Variants in LY75 observed in about 807,000 individuals in gnomAD.
LY75 encodes the protein lymphocyte antigen 75.
LY75 carries 185 observed loss-of-function variants against 231.7 expected under a neutral mutation model. The observed-to-expected ratio is 0.80, with a 90% confidence interval of 0.71 to 0.90. The LOEUF (loss-of-function observed/expected upper bound fraction) is 0.90, where lower values mean the gene tolerates loss of function less well. Ranked by LOEUF, LY75 falls within the 40% of genes least tolerant of loss-of-function variation. The pLI, the probability that LY75 is intolerant of heterozygous loss-of-function variation, is 0.00. For synonymous variants in LY75, 668 were observed against 689.0 expected (o/e 0.97, Z 0.48); for missense variants, 1,947 against 2,050.2 (o/e 0.95, Z 0.97).
At position 159,896,283 on chromosome 2, in the gene LY75, T is replaced by C. The variant is rs564030081; in HGVS notation, c.467-2199A>G. On this transcript the variant is annotated intron_variant, in intron 2 of 34. Transcript: ENST00000263636. The stretch of plus-strand genomic sequence containing the variant: ...CACCTGGGTGCTAGTCAAAAGCAGT[T>C]CACTCATAAAATTTATACAACTTCA... Among the ~76,000 whole-genome samples the C allele has an allele frequency of 1.1e-4, 16 of 152,328 alleles. 1 individual carries two copies. The highest frequency in any genetic ancestry group is 3.6e-4 in the African/African-American group (15 of 41,576).
intron 13 of LY75, among the ~76,000 whole-genome samples, chr2:159,868,360 C>T (rs2729710): frequency 0.023 from 3,499 of 152,120 alleles, 137 homozygotes; most frequent in East Asian, 0.16. Context: ...AAACATAGTA[C>T]ATTCTATGGA....
intron 13 of LY75, among the ~76,000 whole-genome samples, chr2:159,865,257 T>C (rs1684826015): frequency 6.6e-6 from 1 of 152,198 alleles, no homozygotes; most frequent in Non-Finnish European, 1.5e-5. Context: ...ATGGCATTTC[T>C]TTAAAGTGTT....
Position 159,854,511 on chromosome 2 carries a change from G to A in LY75, c.2444C>T (p.Pro815Leu). The A allele has an allele frequency of 6.2e-7, 1 of 1,612,618 alleles. No individual in the cohort carries two copies. The highest frequency in any genetic ancestry group is 1.1e-5 in the South Asian group (1 of 90,812). The change falls in exon 18 of 35, where the codon CCA becomes CTA. Residue 815 changes from proline to leucine, a missense_variant. By Grantham distance (98) the Pro-to-Leu change is moderately conservative (BLOSUM62 -3). Coordinates refer to ENST00000263636, the MANE Select transcript of LY75 (RefSeq NM_002349.4). Reference sequence around the variant, plus strand: ...ATATTCACTTCCTTCAATTATAAGTGGAGGTCCATGAATTCCAGCACGGTC... The same window carrying A: ...ATATTCACTTCCTTCAATTATAAGTAGAGGTCCATGAATTCCAGCACGGTC... ...NPDRAGIHGP[P>L]LIIEGSEYWF...
intron 28 of LY75, among the ~76,000 whole-genome samples, chr2:159,823,888 C>T (rs1209072273): frequency 6.6e-6 from 1 of 152,196 alleles, no homozygotes; most frequent in South Asian, 2.1e-4. Context: ...CCTTGACAGA[C>T]AGGCAAGTGC....
At chr2:159,879,945 C>T (rs530786280) in intron 8 of LY75, among the ~76,000 whole-genome samples, 2 of 152,186 alleles carry the variant, frequency 1.3e-5, no homozygotes, top group African/African-American at 2.4e-5. Flanking sequence ...TCTAATAAGT[C>T]GATTGTGATA....
chr2:159,821,477 G>A (rs112875747), intron 28 of LY75, among the ~76,000 whole-genome samples: 36,929 of 151,598 alleles, frequency 0.24, 5,936 homozygotes, highest in Non-Finnish European at 0.37. Flanking sequence ...TTAGCTGGGC[G>A]TGGTGGCGGT....
intron 2 of LY75, among the ~76,000 whole-genome samples, chr2:159,896,637 C>G (rs1685916144): frequency 6.6e-6 from 1 of 152,124 alleles, no homozygotes; most frequent in Non-Finnish European, 1.5e-5. Context: ...AAGTCCCTAA[C>G]TTAAGACAGC....
rs139342011 is a variant in LY75 at position 159,831,674 on chromosome 2, A to T, written c.3954T>A (p.Tyr1318Ter). The stretch of plus-strand genomic sequence containing the variant: ...GTTGGCAGATTTACAACTTACTTCT[A>T]TAAGTTATTCCTAACATGACCCATG... ...MASWVMLGIT[Y>*]RNKSLMWFDK... Residue 1318 changes from tyrosine to a stop codon, truncating the protein, a stop_gained, in exon 28 of 35, where the codon TAT (tyrosine) becomes TAA (stop). Transcript: ENST00000263636. LOFTEE classifies it high-confidence loss of function. 1 of 1,608,324 alleles carries T rather than the reference A, an allele frequency of 6.2e-7. No homozygotes were observed. Among genetic ancestry groups the T allele is most frequent in the Non-Finnish European group, 8.5e-7 (1 of 1,178,574 alleles).
At chr2:159,885,053 G>C in intron 6 of LY75, 100 bp downstream of exon 6, 2 of 1,493,752 alleles carry the variant, frequency 1.3e-6, no homozygotes, top group Admixed American at 3.9e-5. Context: ...ATCAGGAGAA[G>C]GAAAGGTGGA....
At chr2:159,814,419 C>T (rs12478297) in intron 31 of LY75, among the ~76,000 whole-genome samples, 14,025 of 152,054 alleles carry the variant, frequency 0.092, 760 homozygotes, top group South Asian at 0.16. Flanking sequence ...GAGGCTGAAA[C>T]AGGAGGATTG....
Position 159,808,510 on chromosome 2 carries a change from C to G in LY75, c.4761G>C (p.Leu1587=). ...DEDENKFVSR[L]MRENNNITMR... ...TGGTAATGTTATTATTTTCCCTCAT[C>G]AGTCTGCTCACAAATTTATTCTCAT... is the stretch of plus-strand genomic sequence containing the variant. Residue 1587 remains leucine (L), a synonymous_variant, in exon 33 of 35, where the codon CTG becomes CTC. Transcript: ENST00000263636. 1 of 1,613,928 alleles carries G rather than the reference C, an allele frequency of 6.2e-7. No individual in the cohort carries two copies. The highest frequency in any genetic ancestry group is 2.2e-5 in the East Asian group (1 of 44,838).
intron 32 of LY75, among the ~76,000 whole-genome samples, chr2:159,809,879 T>C (rs1193263983): frequency 6.6e-6 from 1 of 151,978 alleles, no homozygotes; most frequent in Non-Finnish European, 1.5e-5. Context: ...GGGCTCGCCA[T>C]GTTGGTCACG....
intron 11 of LY75, among the ~76,000 whole-genome samples, chr2:159,875,943 C>T (rs1685254920): frequency 6.6e-6 from 1 of 151,948 alleles, no homozygotes; most frequent in Admixed American, 6.6e-5. Context: ...AGTGGTTGCC[C>T]CAGGATTTGT....
chr2:159,895,503 G>A (rs988000827), intron 2 of LY75, among the ~76,000 whole-genome samples: 1 of 151,994 alleles, frequency 6.6e-6, no homozygotes, highest in African/African-American at 2.4e-5. Flanking sequence ...TTTGATTTTT[G>A]GAATACAAAG....
chr2:159,868,799 AG>A (rs1193212587), intron 13 of LY75, among the ~76,000 whole-genome samples: 1 of 152,178 alleles, frequency 6.6e-6, no homozygotes, highest in East Asian at 1.9e-4. Context: ...AGCTTATGTC[AG>A]CATTTTACTT....
intron 21 of LY75, 152 bp downstream of exon 21, chr2:159,852,049 G>T: frequency 9.8e-6 from 11 of 1,122,408 alleles, no homozygotes; most frequent in Admixed American, 3.0e-5. Context: ...TATCATCCAC[G>T]GTTTCTGGCA....
intron 2 of LY75, among the ~76,000 whole-genome samples, chr2:159,898,136 A>G (rs914259811): frequency 6.6e-6 from 1 of 152,094 alleles, no homozygotes; most frequent in African/African-American, 2.4e-5. Context: ...GTGTCTCACT[A>G]TGTTGCCCAG....
intron 8 of LY75, 36 bp downstream of exon 8, chr2:159,881,047 A>G: frequency 1.9e-6 from 3 of 1,595,866 alleles, no homozygotes; most frequent in Non-Finnish European, 2.6e-6. Flanking sequence ...TAGGTAAAAC[A>G]GGAAGAATAT....
intron 1 of LY75, among the ~76,000 whole-genome samples, chr2:159,899,561 C>T (rs1686010909): frequency 6.6e-6 from 1 of 152,180 alleles, no homozygotes; most frequent in Non-Finnish European, 1.5e-5. Flanking sequence ...TAAATTATTA[C>T]ATGAAAAGTC....
Sources: gnomAD v4.1 joint callset for allele counts (sites outside exome capture counted in the v4.1 genomes callset) on GRCh38, gnomAD v4.1.1 for gene constraint, MANE v1.5 for transcripts, NCBI Gene and HGNC (gene_info 2026-07-23, HGNC 2026-07-21) for gene names.